Variants in CDKAL1 observed in about 807,000 individuals in gnomAD.
CDKAL1 encodes the protein CDKAL1 threonylcarbamoyladenosine tRNA methylthiotransferase.
CDKAL1 carries 32 observed loss-of-function variants against 68.2 expected under a neutral mutation model. The observed-to-expected ratio is 0.47, with a 90% CI of 0.35 to 0.63. The LOEUF (loss-of-function observed/expected upper bound fraction) is 0.63, where lower values mean the gene tolerates loss of function less well. Ranked by LOEUF, CDKAL1 falls within the 30% of genes least tolerant of loss-of-function variation. CDKAL1 has a pLI of 0.00. For missense variants in CDKAL1, 606 were observed against 696.7 expected, an observed-to-expected ratio of 0.87 and a Z score of 1.47; for synonymous variants, 234 against 244.3, an observed-to-expected ratio of 0.96 and a Z score of 0.39.
chr6:20,854,924 G>A (rs1759245904), intron 9 of CDKAL1, among the ~76,000 whole-genome samples: 1 of 152,176 alleles, frequency 6.6e-6, no homozygotes, highest in African/African-American at 2.4e-5. Context: ...AGGAAAGTTG[G>A]CCATAATCAC....
chr6:20,938,810 A>T (rs956401378), intron 9 of CDKAL1, among the ~76,000 whole-genome samples: 1 of 151,840 alleles, frequency 6.6e-6, no homozygotes, highest in Non-Finnish European at 1.5e-5. Flanking sequence ...CTGATTGTGT[A>T]CTTTCTACTC....
At chr6:20,638,154 C>G (rs1486143579) in intron 4 of CDKAL1, among the ~76,000 whole-genome samples, 2 of 152,106 alleles carry the variant, frequency 1.3e-5, no homozygotes, top group East Asian at 3.9e-4. Flanking sequence ...TCTATGCCCA[C>G]CAGCAAAGCA....
At chr6:21,003,104 CA>C (rs1767516879) in intron 11 of CDKAL1, among the ~76,000 whole-genome samples, 1 of 151,812 alleles carries the variant, frequency 6.6e-6, no homozygotes, top group South Asian at 2.1e-4. Flanking sequence ...CCCATGAGGA[CA>C]GTATAATCAG....
intron 4 of CDKAL1, among the ~76,000 whole-genome samples, chr6:20,628,750 A>G (rs1767542523): frequency 6.6e-6 from 1 of 152,112 alleles, no homozygotes; most frequent in Admixed American, 6.5e-5. Flanking sequence ...AGTGACAGCT[A>G]TATATTCTTA....
intron 8 of CDKAL1, chr6:20,799,677 G>C (rs1310224837): frequency 6.6e-6 from 1 of 152,162 alleles, no homozygotes; most frequent in Non-Finnish European, 1.5e-5. Context: ...TGCTACTGGA[G>C]GTAGGATTGG....
intron 9 of CDKAL1, among the ~76,000 whole-genome samples, chr6:20,949,275 A>G (rs559650515): frequency 1.3e-5 from 2 of 152,194 alleles, no homozygotes; most frequent in Non-Finnish European, 2.9e-5. Context: ...GAGACTGCTA[A>G]TCTTGTGTAG....
At chr6:21,151,360 T>A (rs1328560678) in intron 13 of CDKAL1, among the ~76,000 whole-genome samples, 2 of 152,240 alleles carry the variant, frequency 1.3e-5, no homozygotes, top group African/African-American at 2.4e-5. Context: ...TTTTGTGTGT[T>A]ACCTAGCTCT....
chr6:20,791,923 C>T (rs1234780850), intron 8 of CDKAL1, among the ~76,000 whole-genome samples: 1 of 151,748 alleles, frequency 6.6e-6, no homozygotes, highest in Non-Finnish European at 1.5e-5. Context: ...CAAAGAGCCA[C>T]CATCTGTCAG....
chr6:20,725,717 G>A lies in CDKAL1; in HGVS notation c.372-13802G>A, dbSNP rs558209062. On this transcript the variant is annotated intron_variant, in intron 5 of 15. Transcript: ENST00000274695. ...GAGAATCACTTGAATCTGGGAGACC[G>A]AGGTTGCGGTCAGCTGAGATCATGC... 1.2e-4 allele frequency among the ~76,000 whole-genome samples: 18 copies of A among 150,944 alleles called. No individual in the cohort carries two copies. The South Asian group carries it at 2.3e-3, about 19-fold the overall frequency.
intron 13 of CDKAL1, among the ~76,000 whole-genome samples, chr6:21,148,350 C>G (rs928511632): frequency 6.6e-6 from 1 of 152,164 alleles, no homozygotes; most frequent in African/African-American, 2.4e-5. Context: ...CTTATAAATA[C>G]TCTTAATTAA....
chr6:20,978,246 C>G (rs899893720), intron 10 of CDKAL1, among the ~76,000 whole-genome samples: 2 of 152,204 alleles, frequency 1.3e-5, no homozygotes, highest in African/African-American at 4.8e-5. Context: ...CAGCTTGAAA[C>G]TGATTCAACC....
chr6:21,149,097 A>T (rs2151046038), intron 13 of CDKAL1, among the ~76,000 whole-genome samples: 1 of 152,340 alleles, frequency 6.6e-6, no homozygotes, highest in Non-Finnish European at 1.5e-5. Flanking sequence ...AAACATTTGG[A>T]GGACAAGGAG....
intron 12 of CDKAL1, among the ~76,000 whole-genome samples, chr6:21,093,721 T>A (rs199880709): frequency 0.3 from 21,536 of 72,326 alleles, 3,334 homozygotes; most frequent in East Asian, 0.7. Flanking sequence ...TTTTTTTTTT[T>A]TTTTTTTTTT....
At position 21,216,035 on chromosome 6, in the gene CDKAL1, C is replaced by T. The variant is rs1241433680; in HGVS notation, c.1548+14761C>T. Among the ~76,000 whole-genome samples the T allele has an allele frequency of 2.2e-4, 34 of 152,020 alleles. 1 individual carries two copies. Among genetic ancestry groups the T allele is most frequent in the Admixed American group, 2.2e-3 (33 of 15,262 alleles). On this transcript the variant is annotated intron_variant, in intron 15 of 15. Coordinates refer to ENST00000274695, the MANE Select transcript of CDKAL1 (RefSeq NM_017774.3). ...GTCAGAGTGATAGGAATGCTGACTT[C>T]GAAGATGGAAGCAGGCTGTGAGCCT...
intron 15 of CDKAL1, among the ~76,000 whole-genome samples, chr6:21,203,092 C>G (rs1778752969): frequency 6.6e-6 from 1 of 152,096 alleles, no homozygotes; most frequent in African/African-American, 2.4e-5. Context: ...CTCTGTCACC[C>G]AGGCTGGAGT....
At chr6:21,119,931 C>T (rs1188269393) in intron 13 of CDKAL1, among the ~76,000 whole-genome samples, 3 of 152,172 alleles carry the variant, frequency 2.0e-5, no homozygotes, top group Non-Finnish European at 4.4e-5. Flanking sequence ...CGCCCTCCTC[C>T]ATCCCTCCTC....
At chr6:20,705,013 G>T (rs1771534577) in intron 5 of CDKAL1, among the ~76,000 whole-genome samples, 1 of 152,136 alleles carries the variant, frequency 6.6e-6, no homozygotes, top group African/African-American at 2.4e-5. Context: ...TATTGTACTT[G>T]GGTAAAGGGG....
intron 9 of CDKAL1, among the ~76,000 whole-genome samples, chr6:20,896,107 T>TC (rs1761675375): frequency 2.0e-5 from 2 of 102,456 alleles, no homozygotes; most frequent in South Asian, 3.7e-4. Context: ...TCTTTTCTTT[T>TC]TTTTTTTTTT....
At chr6:21,022,866 C>T (rs998614759) in intron 11 of CDKAL1, among the ~76,000 whole-genome samples, 1 of 152,096 alleles carries the variant, frequency 6.6e-6, no homozygotes, top group Non-Finnish European at 1.5e-5. Context: ...TTCACTGTAC[C>T]GTAATCCATA....
Sources: allele counts gnomAD v4.1 joint callset (sites outside exome capture counted in the v4.1 genomes callset), GRCh38; gene constraint gnomAD v4.1.1; transcripts MANE v1.5; gene names NCBI Gene and HGNC (gene_info 2026-07-23, HGNC 2026-07-21).